KLHL32: variants seen among roughly 807,000 people sequenced by gnomAD.
KLHL32 encodes the protein kelch-like protein 32.
In KLHL32, 35 loss-of-function variants were observed where a neutral mutation model predicts 64.8. The ratio of observed to expected loss-of-function variants is 0.54; its 90% confidence interval spans 0.41 to 0.72. The LOEUF is 0.72. KLHL32 is among the 30% of genes least tolerant of loss of function. The pLI, the probability that KLHL32 is intolerant of heterozygous loss-of-function variation, is 0.00. For synonymous variants in KLHL32, 259 were observed against 281.0 expected (o/e 0.92, Z 0.78); for missense variants, 589 against 768.5 (o/e 0.77, Z 2.76).
intron 2 of KLHL32, among the ~76,000 whole-genome samples, chr6:96,972,129 G>A (rs1368532335): frequency 1.3e-5 from 2 of 152,098 alleles, no homozygotes; most frequent in Non-Finnish European, 2.9e-5. Flanking sequence ...TGGTATTACA[G>A]GTGTGAGTCA....
intron 7 of KLHL32, among the ~76,000 whole-genome samples, chr6:97,121,092 A>T (rs1359284482): frequency 6.6e-6 from 1 of 152,226 alleles, no homozygotes; most frequent in Non-Finnish European, 1.5e-5. Context: ...TCTTAACTGT[A>T]TCCCGAATAA....
intron 3 of KLHL32, among the ~76,000 whole-genome samples, chr6:96,992,628 G>A (rs771609395): frequency 6.6e-6 from 1 of 152,310 alleles, no homozygotes; most frequent in Middle Eastern, 3.4e-3. Context: ...GAGTGCAAGA[G>A]ACCATTTCAC....
chr6:97,067,797 A>G (rs1790040257), intron 5 of KLHL32, among the ~76,000 whole-genome samples: 1 of 152,114 alleles, frequency 6.6e-6, no homozygotes. Flanking sequence ...CTTTAGCCTC[A>G]TCTTCAAGGC....
At chr6:97,051,265 A>G (rs1022066258) in intron 4 of KLHL32, among the ~76,000 whole-genome samples, 1 of 152,094 alleles carries the variant, frequency 6.6e-6, no homozygotes, top group African/African-American at 2.4e-5. Context: ...AATGAGCTGG[A>G]TTTGTTGTTC....
At chr6:97,111,223 G>A (rs1797090019) in intron 6 of KLHL32, among the ~76,000 whole-genome samples, 1 of 152,234 alleles carries the variant, frequency 6.6e-6, no homozygotes, top group Non-Finnish European at 1.5e-5. Flanking sequence ...GCAGGAAAGA[G>A]AGAGATGGCA....
At chr6:97,058,530 G>T (rs913881971) in intron 4 of KLHL32, among the ~76,000 whole-genome samples, 1 of 152,088 alleles carries the variant, frequency 6.6e-6, no homozygotes, top group Non-Finnish European at 1.5e-5. Flanking sequence ...ACTCTAATTT[G>T]ATTTGGGACT....
intron 10 of KLHL32, among the ~76,000 whole-genome samples, chr6:97,136,663 A>G (rs529458890): frequency 6.6e-6 from 1 of 152,260 alleles, no homozygotes; most frequent in African/African-American, 2.4e-5. Context: ...ATCTTCATTT[A>G]CTATTATTTT....
intron 3 of KLHL32, among the ~76,000 whole-genome samples, chr6:96,986,612 G>T (rs1400834847): frequency 6.6e-6 from 1 of 152,176 alleles, no homozygotes; most frequent in Non-Finnish European, 1.5e-5. Flanking sequence ...CTTGCAGTTG[G>T]ATCTCCCACT....
chr6:97,079,184 T>A (rs962519315), intron 5 of KLHL32, among the ~76,000 whole-genome samples: 1 of 152,232 alleles, frequency 6.6e-6, no homozygotes, highest in East Asian at 1.9e-4. Flanking sequence ...GTACTTCTTG[T>A]ATGAACTTTG....
At chr6:97,120,295 T>C (rs1424591834) in intron 7 of KLHL32, among the ~76,000 whole-genome samples, 7 of 152,114 alleles carry the variant, frequency 4.6e-5, no homozygotes, top group Non-Finnish European at 1.0e-4. Flanking sequence ...AGGTTTCTTG[T>C]AGATTGATTC....
At position 96,932,573 on chromosome 6, in the gene KLHL32, C is replaced by CG. The variant is rs1562168725; in HGVS notation, c.-66+7547_-66+7548insG. ...CACAAAGTTGTCAATTTCCCCCCCC[C>CG]CCTTTTTTTTTTTGAGACAGATTCT... On this transcript the variant is annotated intron_variant, in intron 1 of 10. Coordinates refer to ENST00000369261, the MANE Select transcript of KLHL32 (RefSeq NM_052904.4). Among the ~76,000 whole-genome samples the CG allele has an allele frequency of 2.9e-5, 4 of 137,202 alleles. No homozygotes were observed. In the South Asian group the frequency reaches 8.2e-4, roughly 28 times the overall value. 90.0% of individuals were successfully genotyped at this position (137,202 alleles called of 152,430 possible). A position where few individuals can be genotyped will look rare whatever the true frequency, so the allele number is the denominator to read the frequency against.
At chr6:96,999,910 A>G (rs986574103) in intron 3 of KLHL32, among the ~76,000 whole-genome samples, 5 of 152,224 alleles carry the variant, frequency 3.3e-5, no homozygotes, top group African/African-American at 4.8e-5. Flanking sequence ...CTCCTAAAAC[A>G]TCACCACTAC....
At chr6:96,955,629 C>T (rs936009715) in intron 1 of KLHL32, among the ~76,000 whole-genome samples, 16 of 152,258 alleles carry the variant, frequency 1.1e-4, no homozygotes, top group Non-Finnish European at 2.1e-4. Flanking sequence ...AGTCCATTTT[C>T]ACACTGCTGA....
intron 5 of KLHL32, among the ~76,000 whole-genome samples, chr6:97,068,238 A>G (rs751357448): frequency 4.6e-5 from 7 of 152,200 alleles, no homozygotes; most frequent in Non-Finnish European, 8.8e-5. Flanking sequence ...TTGTTTTATT[A>G]ACAACCATTC....
intron 1 of KLHL32, among the ~76,000 whole-genome samples, chr6:96,943,397 A>C (rs530068749): frequency 1.3e-3 from 197 of 151,672 alleles, no homozygotes; most frequent in Non-Finnish European, 1.6e-3. Context: ...AAAAAAAAAA[A>C]AAAACCTTAT....
the KLHL32 span, among the ~76,000 whole-genome samples, chr6:96,899,700 G>A: frequency 3.5e-3 from 526 of 152,172 alleles, 3 homozygotes; most frequent in African/African-American, 0.012. Flanking sequence ...TCACCCTTTG[G>A]GAATCATGGA....
intron 1 of KLHL32, among the ~76,000 whole-genome samples, chr6:96,962,194 C>CA (rs747197133): frequency 2.0e-5 from 3 of 151,742 alleles, no homozygotes; most frequent in African/African-American, 2.4e-5. Context: ...GGTTTGACTT[C>CA]AAAAAAACCC....
intron 3 of KLHL32, among the ~76,000 whole-genome samples, chr6:97,038,144 C>T (rs923064212): frequency 1.3e-5 from 2 of 152,006 alleles, no homozygotes; most frequent in African/African-American, 4.8e-5. Context: ...CCCAAAAACA[C>T]AGGCAACTAA....
intron 6 of KLHL32, chr6:97,105,654 G>C (rs941897828): frequency 6.4e-5 from 23 of 356,668 alleles, no homozygotes; most frequent in African/African-American, 4.1e-4. Context: ...TGGCCAAGGA[G>C]CAGAATAAAG....
Sources: allele counts gnomAD v4.1 joint callset (sites outside exome capture counted in the v4.1 genomes callset), GRCh38; gene constraint gnomAD v4.1.1; transcripts MANE v1.5; gene names NCBI Gene and HGNC (gene_info 2026-07-23, HGNC 2026-07-21).